The following LMF1 variants were observed in gnomAD, a reference collection of about 807,000 sequenced individuals.
LMF1 encodes the protein lipase maturation factor 1.
Under a neutral mutation model 60.6 loss-of-function variants are expected in LMF1, and 68 were observed. The observed-to-expected ratio is 1.12, with a 90% CI of 0.92 to 1.37. The LOEUF (loss-of-function observed/expected upper bound fraction) is 1.37, where lower values mean the gene tolerates loss of function less well. Ranked by LOEUF, LMF1 falls within the 40% of genes most tolerant of loss-of-function variation. The pLI, the probability that LMF1 is intolerant of heterozygous loss-of-function variation, is 0.00. For missense variants in LMF1, 948 were observed against 767.2 expected (o/e 1.24, Z -2.78); for synonymous variants, 418 against 324.7 (o/e 1.29, Z -3.09).
At chr16:885,946 C>T (rs762607447) in intron 5 of LMF1, among the ~76,000 whole-genome samples, 1 of 152,214 alleles carries the variant, frequency 6.6e-6, no homozygotes, top group African/African-American at 2.4e-5. Context: ...AAACCATATT[C>T]TGGGCTACAG....
At chr16:951,999 G>C (rs3852758) in intron 2 of LMF1, among the ~76,000 whole-genome samples, 1 of 151,974 alleles carries the variant, frequency 6.6e-6, no homozygotes, top group South Asian at 2.1e-4. Context: ...CCGTGAGAGC[G>C]CCTGACCCCA....
intron 1 of LMF1, among the ~76,000 whole-genome samples, chr16:967,935 T>C (rs1268487168): frequency 6.6e-6 from 1 of 151,846 alleles, no homozygotes; most frequent in Non-Finnish European, 1.5e-5. Flanking sequence ...GTAATCACAC[T>C]AGGGACCCGA....
intron 3 of LMF1, among the ~76,000 whole-genome samples, chr16:911,353 C>G (rs1213499427): frequency 1.3e-5 from 2 of 152,056 alleles, no homozygotes; most frequent in African/African-American, 4.8e-5. Flanking sequence ...CTCTGAGGTC[C>G]GCCACCTGCC....
rs181683507 is a variant in LMF1, at chr16:962,735, C to T, written c.193+8053G>A. Among the ~76,000 whole-genome samples the T allele has an allele frequency of 7.5e-4, 114 of 152,250 alleles. No individual in the cohort carries two copies. In the East Asian group the frequency reaches 0.019, roughly 25 times the overall value. Reference sequence around the variant, plus strand: ...ACAGACCAGGGAGGGAGGGAGGAGACGCCAGGACAAAACCGGGTCCCAGAA... The same window carrying T: ...ACAGACCAGGGAGGGAGGGAGGAGATGCCAGGACAAAACCGGGTCCCAGAA... On this transcript the variant is annotated intron_variant, in intron 1 of 10. Transcript: ENST00000262301. The surrounding 1 kb of genome is among the most constrained non-coding windows in gnomAD (Gnocchi z 4.5).
At chr16:964,295 CAAAAAAAA>C (rs68176791) in intron 1 of LMF1, among the ~76,000 whole-genome samples, 4 of 63,826 alleles carry the variant, frequency 6.3e-5, no homozygotes, top group African/African-American at 1.5e-4. Flanking sequence ...AACTCTGTCT[CAAAAAAAA>C]AAAAAAAAAA....
At chr16:912,715 C>T (rs1343120247) in intron 3 of LMF1, among the ~76,000 whole-genome samples, 1 of 152,206 alleles carries the variant, frequency 6.6e-6, no homozygotes, top group Non-Finnish European at 1.5e-5. Flanking sequence ...GCCAGAGCCG[C>T]CTGGCTGGCT....
intron 6 of LMF1, among the ~76,000 whole-genome samples, chr16:875,519 G>A (rs1256579266): frequency 1.3e-5 from 2 of 152,138 alleles, no homozygotes; most frequent in Non-Finnish European, 2.9e-5. Context: ...AAGTAACTCA[G>A]CACCTTGCTT....
At chr16:869,292 T>A (rs1469573862) in intron 9 of LMF1, 1 of 675,148 alleles carries the variant, frequency 1.5e-6, no homozygotes, top group East Asian at 2.8e-5. Context: ...CTGGGTGCCT[T>A]GGAGCCTGTC....
chr16:914,585 C>T (rs1205932725), intron 3 of LMF1, among the ~76,000 whole-genome samples: 4 of 5,818 alleles, frequency 6.9e-4, no homozygotes, highest in Non-Finnish European at 1.8e-3. Context: ...CCCTCCCTTC[C>T]CATGACCACT....
intron 2 of LMF1, among the ~76,000 whole-genome samples, chr16:948,887 T>A (rs1459217854): frequency 3.0e-4 from 13 of 42,736 alleles, no homozygotes; most frequent in African/African-American, 6.8e-4. Flanking sequence ...AATGACAGAG[T>A]CAGCCAACGA....
chr16:931,857 A>G (rs1026532876), intron 3 of LMF1: 20 of 1,247,536 alleles, frequency 1.6e-5, no homozygotes, highest in Non-Finnish European at 2.1e-5. Context: ...AAACATTAAC[A>G]TTAATGAGTC....
rs1215940908 is a variant in LMF1 at position 950,607 on chromosome 16, C to T, written c.503+3750G>A. On this transcript the variant is annotated intron_variant, in intron 2 of 10. Coordinates refer to ENST00000262301, the MANE Select transcript of LMF1 (RefSeq NM_022773.4). Reference sequence around the variant, plus strand: ...CAGCCAATGACAGAGTCAGAGACAACGACAGAGTTAGAGACAACGACAGAG... The same window carrying T: ...CAGCCAATGACAGAGTCAGAGACAATGACAGAGTTAGAGACAACGACAGAG... Among the ~76,000 whole-genome samples, 56 of 134,098 alleles carry T rather than the reference C, an allele frequency of 4.2e-4. 2 individuals are homozygous for T. The East Asian group carries it at 5.1e-3, about 12-fold the overall frequency. The allele number at this position is 134,098 out of a possible 152,430, so 88.0% of individuals were successfully genotyped here. A position where few individuals can be genotyped will look rare whatever the true frequency, so the allele number is the denominator to read the frequency against.
chr16:969,009 G>A (rs1370319209), intron 1 of LMF1: 1 of 152,200 alleles, frequency 6.6e-6, no homozygotes, highest in Non-Finnish European at 1.5e-5. Flanking sequence ...GGAGGGAAAA[G>A]CAACCTGGGA....
chr16:971,366 G>A (rs1482340275), upstream of LMF1, among the ~76,000 whole-genome samples: 1 of 152,240 alleles, frequency 6.6e-6, no homozygotes, highest in East Asian at 1.9e-4. Context: ...CCTGGGGAAG[G>A]TGGGCTGCAC....
At chr16:924,946 G>A (rs924481473) in intron 3 of LMF1, among the ~76,000 whole-genome samples, 1 of 152,240 alleles carries the variant, frequency 6.6e-6, no homozygotes, top group Non-Finnish European at 1.5e-5. Context: ...GACCTGCTAG[G>A]GGGTGGCAAG....
chr16:934,002 C>T (rs767949193), intron 3 of LMF1: 30 of 1,479,580 alleles, frequency 2.0e-5, no homozygotes, highest in South Asian at 7.3e-5. Flanking sequence ...TGTGAGATGC[C>T]GACAATCATG....
chr16:978,023 C>T (rs1420444966), intron 1 of LMF1, among the ~76,000 whole-genome samples: 4 of 122,296 alleles, frequency 3.3e-5, no homozygotes, highest in African/African-American at 1.1e-4. Flanking sequence ...ACACATCATA[C>T]ACACGCACAC....
rs974469111 is a variant in LMF1 at position 878,542 on chromosome 16, C to T, written c.897+1028G>A. ...CGAGATTGCACCTCTGCACGGCAGG[C>T]TGTGGTGAAAACCAGAAACTACCAC... On this transcript the variant is annotated intron_variant, in intron 6 of 10. Transcript: ENST00000262301. This position sits in a 1 kb window ranked among gnomAD's most constrained non-coding sequence, Gnocchi z 5.2. 1.3e-5 allele frequency among the ~76,000 whole-genome samples: 2 copies of T among 152,248 alleles called. No homozygotes were observed. The highest frequency in any genetic ancestry group is 2.9e-5 in the Non-Finnish European group (2 of 68,040).
intron 1 of LMF1, chr16:976,424 A>C: frequency 2.2e-6 from 1 of 454,104 alleles, no homozygotes; most frequent in South Asian, 1.6e-5. Context: ...GACAGGATTT[A>C]CTGCCACCAA....
Sources: allele counts gnomAD v4.1 joint callset (sites outside exome capture counted in the v4.1 genomes callset), GRCh38; gene constraint gnomAD v4.1.1; non-coding constraint Gnocchi (gnomAD v3.1); transcripts MANE v1.5; gene names NCBI Gene and HGNC (gene_info 2026-07-23, HGNC 2026-07-21).